The following ANO6 variants were observed in gnomAD, a reference collection of about 807,000 sequenced individuals.
ANO6 encodes the protein anoctamin 6.
ANO6 carries 106 observed loss-of-function variants against 117.5 expected under a neutral mutation model. The observed-to-expected ratio is 0.90, with a 90% CI of 0.77 to 1.06. The LOEUF is 1.06. ANO6 is among the 50% of genes least tolerant of loss of function. ANO6 has a pLI of 0.00. For missense variants in ANO6, 955 were observed against 1,121.1 expected (o/e 0.85, Z 2.12); for synonymous variants, 367 against 385.1 (o/e 0.95, Z 0.55).
intron 9 of ANO6, among the ~76,000 whole-genome samples, chr12:45,372,736 A>G (rs1428051201): frequency 4.6e-5 from 7 of 152,314 alleles, no homozygotes; most frequent in Non-Finnish European, 8.8e-5. Flanking sequence ...AGGAACAACC[A>G]GTACCAGGCG....
At position 45,378,439 on chromosome 12, in the gene ANO6, C is replaced by T. The variant is rs370565707; in HGVS notation, c.1165+326C>T. 1.3e-4 allele frequency among the ~76,000 whole-genome samples: 20 copies of T among 152,100 alleles called. 1 individual carries two copies. In the East Asian group the frequency reaches 2.1e-3, roughly 16 times the overall value. ...GCTCCACTGGGGATAGATGATCTTG[C>T]AACTAGAAACCCGGTTTGGTCTGTG... On this transcript the variant is annotated intron_variant, in intron 10 of 19. Transcript: ENST00000320560.
chr12:45,312,122 A>G (rs144175425), intron 2 of ANO6, among the ~76,000 whole-genome samples: 10 of 152,054 alleles, frequency 6.6e-5, no homozygotes, highest in Admixed American at 5.9e-4. Context: ...TATCTGGGGA[A>G]TGTCAAAATT....
At chr12:45,403,308 T>C in intron 14 of ANO6, 67 bp downstream of exon 14, 1 of 1,562,708 alleles carries the variant, frequency 6.4e-7, no homozygotes, top group Non-Finnish European at 8.8e-7. Flanking sequence ...CCCAAATGAA[T>C]AGTTTTTTAT....
At chr12:45,237,960 C>T (rs1947672661) in intron 1 of ANO6, among the ~76,000 whole-genome samples, 1 of 152,030 alleles carries the variant, frequency 6.6e-6, no homozygotes, top group Admixed American at 6.6e-5. Flanking sequence ...AGTTGGATTC[C>T]TAGCTATTTT....
intron 1 of ANO6, among the ~76,000 whole-genome samples, chr12:45,239,914 A>G (rs759454537): frequency 1.3e-5 from 2 of 152,164 alleles, no homozygotes; most frequent in African/African-American, 2.4e-5. Flanking sequence ...CTGTTCTTCT[A>G]CATTTGCTGA....
At chr12:45,361,832 T>C (rs906301738) in intron 8 of ANO6, among the ~76,000 whole-genome samples, 1 of 152,136 alleles carries the variant, frequency 6.6e-6, no homozygotes, top group Non-Finnish European at 1.5e-5. Context: ...ATCCTTGCAT[T>C]CCTGGATAGA....
chr12:45,218,980 C>T (rs138102435), intron 1 of ANO6, among the ~76,000 whole-genome samples: 5 of 152,016 alleles, frequency 3.3e-5, no homozygotes, highest in African/African-American at 1.2e-4. Flanking sequence ...TGCTCTGTCA[C>T]CTAGGCTAGA....
chr12:45,437,654 G>A (rs572937419), intron 19 of ANO6, among the ~76,000 whole-genome samples: 6 of 152,020 alleles, frequency 3.9e-5, no homozygotes, highest in African/African-American at 1.2e-4. Flanking sequence ...ATTGCAACCT[G>A]TGCCTCCCAG....
intron 1 of ANO6, among the ~76,000 whole-genome samples, chr12:45,242,450 G>A (rs1947760062): frequency 1.3e-5 from 2 of 152,264 alleles, no homozygotes. Flanking sequence ...GTTAGCTGGA[G>A]TGTCCAGTTT....
At chr12:45,409,540 G>A in intron 16 of ANO6, 53 bp downstream of exon 16, 1 of 1,584,534 alleles carries the variant, frequency 6.3e-7, no homozygotes. Flanking sequence ...AGTATGTTGT[G>A]GATACCAAAA....
At chr12:45,236,137 TA>T (rs1207668719) in intron 1 of ANO6, among the ~76,000 whole-genome samples, 1 of 152,236 alleles carries the variant, frequency 6.6e-6, no homozygotes, top group Non-Finnish European at 1.5e-5. Context: ...GCTCAAATTT[TA>T]ATTTTCAAAA....
intron 16 of ANO6, among the ~76,000 whole-genome samples, chr12:45,412,805 C>T (rs1274714265): frequency 3.9e-5 from 6 of 152,220 alleles, no homozygotes; most frequent in South Asian, 2.1e-4. Context: ...CCTCCCCTCA[C>T]GGAGCTCAGC....
At chr12:45,231,214 TTAATA>T (rs1947568979) in intron 1 of ANO6, among the ~76,000 whole-genome samples, 1 of 152,200 alleles carries the variant, frequency 6.6e-6, no homozygotes, top group South Asian at 2.1e-4. Flanking sequence ...TTAAAAGAGA[TTAATA>T]TAATACCAGG....
chr12:45,271,021 C>G (rs1938378794), intron 1 of ANO6, among the ~76,000 whole-genome samples: 1 of 152,078 alleles, frequency 6.6e-6, no homozygotes, highest in South Asian at 2.1e-4. Context: ...TGCCCGGCTG[C>G]AAAAGTTATT....
Position 45,296,390 on chromosome 12 carries a change from A to G in ANO6, c.71-5624A>G, listed in dbSNP as rs921418647. Among the ~76,000 whole-genome samples the G allele has an allele frequency of 1.8e-4, 27 of 152,190 alleles. 1 individual carries two copies. Among genetic ancestry groups the G allele is most frequent in the African/African-American group, 6.3e-4 (26 of 41,450 alleles). On this transcript the variant is annotated intron_variant, in intron 1 of 19. Coordinates refer to ENST00000320560, the MANE Select transcript of ANO6 (RefSeq NM_001025356.3). ...TCCTTATCTTGATATCTGTACTTAC[A>G]TCATCTAGCTCAATCCCTGGCACAC...
At chr12:45,247,544 C>G (rs779965756) in intron 1 of ANO6, among the ~76,000 whole-genome samples, 1 of 152,186 alleles carries the variant, frequency 6.6e-6, no homozygotes, top group African/African-American at 2.4e-5. Context: ...CTATCTTAGT[C>G]GGCTAGGTCT....
At chr12:45,437,973 C>T (rs917577884) in intron 19 of ANO6, among the ~76,000 whole-genome samples, 3 of 152,208 alleles carry the variant, frequency 2.0e-5, no homozygotes, top group Non-Finnish European at 4.4e-5. Flanking sequence ...AGTAAAACTT[C>T]AAGCACGAGG....
At chr12:45,236,589 C>T (rs11182932) in intron 1 of ANO6, among the ~76,000 whole-genome samples, 7,762 of 152,222 alleles carry the variant, frequency 0.051, 273 homozygotes, top group Non-Finnish European at 0.069. Flanking sequence ...TAGTATTCCA[C>T]GGTGTATATG....
chr12:45,225,672 G>A (rs921836023), intron 1 of ANO6, among the ~76,000 whole-genome samples: 1 of 152,062 alleles, frequency 6.6e-6, no homozygotes, highest in African/African-American at 2.4e-5. Flanking sequence ...TGTATTTTTA[G>A]TAGAGACGGG....
Sources: gnomAD v4.1 joint callset for allele counts (sites outside exome capture counted in the v4.1 genomes callset) on GRCh38, gnomAD v4.1.1 for gene constraint, MANE v1.5 for transcripts, NCBI Gene and HGNC (gene_info 2026-07-23, HGNC 2026-07-21) for gene names.